WDR37: variants seen among roughly 807,000 people sequenced by gnomAD.
WDR37 encodes the protein WD repeat domain 37.
In WDR37, 19 loss-of-function variants were observed where a neutral mutation model predicts 62.9. The ratio of observed to expected loss-of-function variants is 0.30; its 90% CI spans 0.21 to 0.44. The LOEUF is 0.44. WDR37 is among the 20% of genes least tolerant of loss of function. The pLI, the probability that WDR37 is intolerant of heterozygous loss-of-function variation, is 1.00. For missense variants in WDR37, 474 were observed against 657.6 expected (o/e 0.72, Z 3.05); for synonymous variants, 250 against 260.9 (o/e 0.96, Z 0.40).
chr10:1,089,778 G>A (rs187310886), intron 7 of WDR37, among the ~76,000 whole-genome samples: 15 of 152,210 alleles, frequency 9.9e-5, no homozygotes, highest in African/African-American at 3.1e-4. Flanking sequence ...TCCAGTATTC[G>A]GTGTCGTCTC....
chr10:1,117,629 G>T (rs1051074988), intron 11 of WDR37, among the ~76,000 whole-genome samples: 2 of 152,186 alleles, frequency 1.3e-5, no homozygotes, highest in Admixed American at 6.5e-5. Context: ...TAACTGTGAG[G>T]TACTTCAGGA....
intron 1 of WDR37, among the ~76,000 whole-genome samples, chr10:1,058,789 TAGGAA>T: frequency 1.3e-5 from 2 of 152,252 alleles, no homozygotes; most frequent in Non-Finnish European, 2.9e-5. Flanking sequence ...CTCAGCCCAC[TAGGAA>T]TTCGTCTAAC....
intron 13 of WDR37, among the ~76,000 whole-genome samples, chr10:1,128,638 A>G (rs1012689610): frequency 2.6e-5 from 4 of 152,374 alleles, no homozygotes; most frequent in Admixed American, 6.5e-5. Context: ...CATTTATTCA[A>G]AAATTTCACA....
At chr10:1,093,217 A>G (rs770179760) in intron 7 of WDR37, among the ~76,000 whole-genome samples, 1 of 152,222 alleles carries the variant, frequency 6.6e-6, no homozygotes, top group Non-Finnish European at 1.5e-5. Flanking sequence ...TAGATGATGA[A>G]TATCCTTTTC....
chr10:1,101,766 G>C (rs540845838), intron 9 of WDR37, among the ~76,000 whole-genome samples: 2 of 152,282 alleles, frequency 1.3e-5, no homozygotes, highest in South Asian at 4.1e-4. Context: ...TCCTCAGCCC[G>C]GGCGAGCCTT....
intron 2 of WDR37, chr10:1,074,553 CG>C: frequency 7.7e-7 from 1 of 1,302,672 alleles, no homozygotes; most frequent in Non-Finnish European, 1.0e-6. Context: ...CTGCCCTGGG[CG>C]GGAGAGGTGA....
chr10:1,103,567 A>C lies in WDR37; in HGVS notation c.727-35A>C. 1 of 1,602,338 alleles carries C rather than the reference A, an allele frequency of 6.2e-7. No homozygotes were observed. The highest frequency in any genetic ancestry group is 2.2e-5 in the East Asian group (1 of 44,728). On this transcript the variant is annotated intron_variant, in intron 9 of 13. Transcript: ENST00000263150. This position sits in a 1 kb window ranked among gnomAD's most constrained non-coding sequence, Gnocchi z 6.3. ...AGAAGAAACTCAAGATTTCCAGGAA[A>C]TGTCTTTCTTTTCTGGCCTTCCCTT...
chr10:1,057,381 T>A (rs1405482293), intron 1 of WDR37, among the ~76,000 whole-genome samples: 1 of 151,756 alleles, frequency 6.6e-6, no homozygotes, highest in African/African-American at 2.4e-5. Context: ...TGCTTCGGCC[T>A]GGGCATCCCG....
intron 9 of WDR37, 89 bp downstream of exon 9, chr10:1,096,335 G>A (rs1834574988): frequency 6.9e-7 from 1 of 1,440,518 alleles, no homozygotes; most frequent in Non-Finnish European, 9.7e-7. Flanking sequence ...TGGACGGAAT[G>A]TTTGTGTCCC....
At chr10:1,124,005 CTG>C (rs1835665044) in intron 11 of WDR37, 2 of 583,708 alleles carry the variant, frequency 3.4e-6, no homozygotes, top group Admixed American at 6.3e-5. Context: ...GTAGAATGGA[CTG>C]TGTGTTTCTG....
At chr10:1,100,850 G>C (rs532392235) in intron 9 of WDR37, among the ~76,000 whole-genome samples, 2 of 152,098 alleles carry the variant, frequency 1.3e-5, no homozygotes, top group Non-Finnish European at 1.5e-5. Context: ...GTGACGTACC[G>C]AGTACCCCCC....
chr10:1,079,941 T>C (rs1833980129), intron 3 of WDR37, 70 bp from the exon 4 acceptor site: 2 of 1,344,628 alleles, frequency 1.5e-6, no homozygotes, highest in African/African-American at 2.9e-5. Flanking sequence ...TGTGTGCGAG[T>C]TTTGGAAGTG....
chr10:1,103,641 G>A lies in WDR37; in HGVS notation c.766G>A (p.Glu256Lys). ...TGAAGTAGAGTGCTCTGACAAGGAC[G>A]AGCCCGACCTCGATGGGGATGTGTC... ...EDEVECSDKD[E>K]PDLDGDVSSD... Residue 256 changes from glutamate (E) to lysine (K), a missense_variant, in exon 10 of 14, where the codon GAG (glutamate) becomes AAG (lysine). Transcript: ENST00000263150. This position sits in a 1 kb window ranked among gnomAD's most constrained non-coding sequence, Gnocchi z 6.3. 6.2e-7 allele frequency: 1 copy of A among 1,614,216 alleles called. No homozygotes were observed. The highest frequency in any genetic ancestry group is 8.5e-7 in the Non-Finnish European group (1 of 1,180,050).
chr10:1,069,206 G>A (rs565670175), intron 1 of WDR37, among the ~76,000 whole-genome samples: 77 of 151,852 alleles, frequency 5.1e-4, no homozygotes, highest in South Asian at 2.1e-4. Flanking sequence ...TGTGTGAATC[G>A]TATATCAAGA....
intron 9 of WDR37, among the ~76,000 whole-genome samples, chr10:1,098,875 C>A (rs1834693054): frequency 6.6e-6 from 1 of 152,256 alleles, no homozygotes; most frequent in Admixed American, 6.5e-5. Context: ...ATGCATGCAT[C>A]TGCTCCATCC....
At chr10:1,057,475 C>T (rs1362679021) in intron 1 of WDR37, among the ~76,000 whole-genome samples, 1 of 152,148 alleles carries the variant, frequency 6.6e-6, no homozygotes, top group Non-Finnish European at 1.5e-5. Flanking sequence ...TGGGGATGGT[C>T]GGCTTCAAGA....
intron 10 of WDR37, among the ~76,000 whole-genome samples, chr10:1,104,709 T>C (rs373201551): frequency 3.9e-5 from 6 of 152,220 alleles, no homozygotes; most frequent in African/African-American, 1.2e-4. Flanking sequence ...GGATGCTGCC[T>C]GCTGAAGTTG....
intron 2 of WDR37, among the ~76,000 whole-genome samples, chr10:1,073,054 G>T (rs1833773369): frequency 6.6e-6 from 1 of 152,060 alleles, no homozygotes. Context: ...GGATTAAAAT[G>T]AACTAATTAT....
At chr10:1,058,510 A>G (rs575537227) in intron 1 of WDR37, among the ~76,000 whole-genome samples, 2 of 152,328 alleles carry the variant, frequency 1.3e-5, no homozygotes, top group African/African-American at 4.8e-5. Context: ...CTTTTCAGGG[A>G]AAAGATTTTA....
Sources: allele counts gnomAD v4.1 joint callset (sites outside exome capture counted in the v4.1 genomes callset), GRCh38; gene constraint gnomAD v4.1.1; non-coding constraint Gnocchi (gnomAD v3.1); transcripts MANE v1.5; gene names NCBI Gene and HGNC (gene_info 2026-07-23, HGNC 2026-07-21).